OOEP: variants seen among roughly 807,000 people sequenced by gnomAD.
OOEP encodes the protein oocyte expressed protein, also known as oocyte-expressed protein homolog.
Under a neutral mutation model 13.7 loss-of-function variants are expected in OOEP, and 16 were observed. That is an observed-to-expected ratio of 1.16 (90% CI 0.79 to 1.77). The LOEUF is 1.77. Among genes scored for constraint, OOEP ranks in the 40% most tolerant of loss-of-function variants. The pLI is 0.00. For missense variants in OOEP, 195 were observed against 193.1 expected, an observed-to-expected ratio of 1.01 and a Z score of -0.06; for synonymous variants, 89 against 77.1, an observed-to-expected ratio of 1.15 and a Z score of -0.81.
upstream of OOEP, among the ~76,000 whole-genome samples, chr6:73,372,483 T>G (rs1380800039): frequency 6.6e-6 from 1 of 152,120 alleles, no homozygotes; most frequent in Admixed American, 6.6e-5. Flanking sequence ...GGAAAGAACC[T>G]CCCTGCTCAG....
chr6:73,389,265 A>C (rs1469918616), intron 2 of OOEP, among the ~76,000 whole-genome samples: 2 of 151,898 alleles, frequency 1.3e-5, no homozygotes, highest in Non-Finnish European at 2.9e-5. Context: ...TTCAGCTTCT[A>C]CCCCAGGAGC....
At chr6:73,388,560 T>C (rs1672620447) in intron 2 of OOEP, among the ~76,000 whole-genome samples, 1 of 152,220 alleles carries the variant, frequency 6.6e-6, no homozygotes, top group South Asian at 2.1e-4. Flanking sequence ...GAGGCTGGAA[T>C]CCCCTTCCTC....
chr6:73,368,961 G>A, intron 2 of OOEP, 98 bp from the exon 3 acceptor site: 1 of 979,192 alleles, frequency 1.0e-6, no homozygotes. Context: ...AGAAAGATCT[G>A]CGATAGTGCT....
chr6:73,385,578 GC>G (rs1046226796), intron 2 of OOEP, among the ~76,000 whole-genome samples: 8 of 150,346 alleles, frequency 5.3e-5, no homozygotes, highest in Admixed American at 4.0e-4. Flanking sequence ...CTCTTCCCCA[GC>G]CTAAATAAAA....
chr6:73,370,085 G>A (rs1769026602), upstream of OOEP: 1 of 420,942 alleles, frequency 2.4e-6, no homozygotes, highest in Non-Finnish European at 4.3e-6. Flanking sequence ...CTGCTCGTAA[G>A]GTATGCTTAG....
intron 2 of OOEP, among the ~76,000 whole-genome samples, chr6:73,381,477 GA>G (rs1349018514): frequency 6.6e-6 from 1 of 152,194 alleles, no homozygotes; most frequent in Admixed American, 6.6e-5. Flanking sequence ...GCTAGTTGAA[GA>G]AAAGGTGTTT....
At chr6:73,390,127 C>A (rs1215627313) in intron 2 of OOEP, among the ~76,000 whole-genome samples, 2 of 151,890 alleles carry the variant, frequency 1.3e-5, no homozygotes, top group Non-Finnish European at 2.9e-5. Context: ...TGTGCTGAGC[C>A]CAGATCCCGC....
exon 1 of OOEP, chr6:73,395,032 T>TA (rs1769435607): frequency 6.2e-7 from 1 of 1,614,018 alleles, no homozygotes; most frequent in Non-Finnish European, 8.5e-7. Context: ...TCCTGAGGGA[T>TA]ATAGTGTCGG....
chr6:73,382,274 G>A (rs992911819), intron 2 of OOEP, among the ~76,000 whole-genome samples: 4 of 136,888 alleles, frequency 2.9e-5, no homozygotes, highest in Non-Finnish European at 6.1e-5. Context: ...CTGGAGTGTA[G>A]TGGCGTGATC....
At chr6:73,369,948 A>G (rs1170903753), upstream of OOEP, 3 of 633,168 alleles carry the variant, frequency 4.7e-6, no homozygotes, top group East Asian at 5.5e-5. Context: ...GGTGCAAGCG[A>G]CGCCCCGGCA....
chr6:73,382,962 A>G (rs1769229056), intron 2 of OOEP, among the ~76,000 whole-genome samples: 1 of 138,346 alleles, frequency 7.2e-6, no homozygotes. Flanking sequence ...TCAGCCTTCC[A>G]AGTAACTGGA....
At chr6:73,370,305 G>A (rs988410542), upstream of OOEP, among the ~76,000 whole-genome samples, 1 of 152,064 alleles carries the variant, frequency 6.6e-6, no homozygotes, top group African/African-American at 2.4e-5. Flanking sequence ...CTCTCCGGAT[G>A]GTTACCATTT....
At chr6:73,389,643 A>G in intron 2 of OOEP, among the ~76,000 whole-genome samples, 1 of 148,966 alleles carries the variant, frequency 6.7e-6, no homozygotes, top group Non-Finnish European at 1.5e-5. Flanking sequence ...GAATTGAACA[A>G]TGAGAACACA....
chr6:73,379,018 AATGATT>A (rs751941605), intron 2 of OOEP, among the ~76,000 whole-genome samples: 20 of 152,000 alleles, frequency 1.3e-4, no homozygotes, highest in Non-Finnish European at 2.6e-4. Context: ...TTTAATGAAA[AATGATT>A]ATGATTATGA....
Position 73,368,876 on chromosome 6 carries a change from C to T in OOEP, c.371-13G>A, listed in dbSNP as rs1441486590. ...TTCATCTTCTCAGCTGGAAGAGAAGCAGTTGATACTAACCATGGACAGGGA... is the reference window on the plus strand; with the variant it reads ...TTCATCTTCTCAGCTGGAAGAGAAGTAGTTGATACTAACCATGGACAGGGA... On this transcript the variant is annotated splice_polypyrimidine_tract_variant and intron_variant, in intron 2 of 2. Transcript: ENST00000370359. The T allele has an allele frequency of 6.3e-7, 1 of 1,596,476 alleles. No homozygotes were observed. Among genetic ancestry groups the T allele is most frequent in the Non-Finnish European group, 8.6e-7 (1 of 1,164,170 alleles).
upstream of OOEP, chr6:73,370,157 A>AT: frequency 4.5e-6 from 1 of 222,998 alleles, no homozygotes; most frequent in Non-Finnish European, 9.0e-6. Flanking sequence ...TGACGACTCT[A>AT]TTAATAGACT....
intron 1 of OOEP, chr6:73,394,625 G>T: frequency 3.2e-6 from 1 of 314,488 alleles, no homozygotes; most frequent in Non-Finnish European, 6.0e-6. Context: ...GTGGGGGGGT[G>T]GGGGGCGGGG....
intron 2 of OOEP, among the ~76,000 whole-genome samples, chr6:73,375,304 C>T (rs1769122265): frequency 6.6e-6 from 1 of 152,046 alleles, no homozygotes; most frequent in Admixed American, 6.6e-5. Flanking sequence ...GATTAGTGAG[C>T]CTAGAGGGAT....
intron 2 of OOEP, among the ~76,000 whole-genome samples, chr6:73,385,068 T>C (rs925377390): frequency 4.1e-5 from 6 of 146,330 alleles, no homozygotes; most frequent in Non-Finnish European, 7.5e-5. Flanking sequence ...AAATGGAGGC[T>C]GGGCGTGGTG....
Sources: allele counts gnomAD v4.1 joint callset (sites outside exome capture counted in the v4.1 genomes callset), GRCh38; gene constraint gnomAD v4.1.1; transcripts MANE v1.5; gene names NCBI Gene and HGNC (gene_info 2026-07-23, HGNC 2026-07-21).